Variants in EPC1 observed in about 807,000 individuals in gnomAD.
EPC1 encodes the protein enhancer of polycomb 1, also known as enhancer of polycomb homolog 1.
In EPC1, 12 loss-of-function variants were observed where a neutral mutation model predicts 98.4. The observed-to-expected ratio is 0.12, with a 90% confidence interval of 0.08 to 0.20. EPC1 has a LOEUF of 0.20. EPC1 is among the 10% of genes least tolerant of loss of function. The pLI is 1.00. For synonymous variants in EPC1, 357 were observed against 363.9 expected, an observed-to-expected ratio of 0.98 and a Z score of 0.21; for missense variants, 729 against 990.5, an observed-to-expected ratio of 0.74 and a Z score of 3.54.
chr10:32,284,649 T>C lies in EPC1; in HGVS notation c.1744+49A>G, dbSNP rs375844322. ...ACATAGTCGAACAAATGGGAAATGG[T>C]TGGACCTGACATTTCTATAGAAACG... On this transcript the variant is annotated intron_variant, in intron 10 of 13. Coordinates refer to ENST00000319778, the MANE Select transcript of EPC1 (RefSeq NM_001272004.3). The C allele has an allele frequency of 1.5e-5, 22 of 1,449,042 alleles. No individual in the cohort carries two copies. The African/African-American group carries it at 2.2e-4, about 15-fold the overall frequency. The allele number at this position is 1,449,042 out of a possible 1,614,324, so 89.8% of individuals were successfully genotyped here.
intron 10 of EPC1, among the ~76,000 whole-genome samples, chr10:32,280,082 A>G (rs929711523): frequency 2.6e-5 from 4 of 152,206 alleles, no homozygotes; most frequent in Non-Finnish European, 4.4e-5. Flanking sequence ...AGTGGGAAGG[A>G]AAGTAAAAAA....
At chr10:32,344,932 T>C (rs1160924810) in intron 1 of EPC1, among the ~76,000 whole-genome samples, 1 of 152,248 alleles carries the variant, frequency 6.6e-6, no homozygotes, top group Non-Finnish European at 1.5e-5. Flanking sequence ...GAAGCAAGAC[T>C]TAACTAAAGT....
intron 1 of EPC1, among the ~76,000 whole-genome samples, chr10:32,328,915 C>T (rs1299010691): frequency 6.6e-6 from 1 of 152,212 alleles, no homozygotes; most frequent in Non-Finnish European, 1.5e-5. Flanking sequence ...GAAACACATA[C>T]AGGTCTGATA....
intron 1 of EPC1, among the ~76,000 whole-genome samples, chr10:32,307,837 A>G: frequency 6.6e-6 from 1 of 152,212 alleles, no homozygotes; most frequent in Non-Finnish European, 1.5e-5. Flanking sequence ...ACTCAAGGAG[A>G]GAGTACGGAA....
intron 1 of EPC1, among the ~76,000 whole-genome samples, chr10:32,377,845 T>G (rs1027822386): frequency 6.6e-6 from 1 of 151,988 alleles, no homozygotes; most frequent in African/African-American, 2.4e-5. Context: ...AATTACAAAA[T>G]GTCTCCCAAA....
chr10:32,304,460 T>C (rs1592574303), intron 2 of EPC1, among the ~76,000 whole-genome samples: 1 of 152,214 alleles, frequency 6.6e-6, no homozygotes, highest in Non-Finnish European at 1.5e-5. Context: ...CTAATATCTA[T>C]CACACTTGTT....
chr10:32,288,465 T>C (rs1278916599), intron 6 of EPC1, among the ~76,000 whole-genome samples: 1 of 151,892 alleles, frequency 6.6e-6, no homozygotes, highest in Non-Finnish European at 1.5e-5. Context: ...CAAAGCCTTA[T>C]GCTATGCTTA....
Position 32,271,736 on chromosome 10 carries a change from C to T in EPC1, c.2187G>A (p.Gly729=), listed in dbSNP as rs779129479. The change falls in exon 13 of 14, where the codon GGG becomes GGA. Residue 729 remains glycine, a synonymous_variant. Coordinates refer to ENST00000319778, the MANE Select transcript of EPC1 (RefSeq NM_001272004.3). ...ANSATTQVLI[G]NNIRLTVPSS... Reference sequence around the variant, plus strand: ...AAGGTACAGTTAATCGAATGTTGTTCCCAATCAGAACCTGAGTTGTTGCAG... The same window carrying T: ...AAGGTACAGTTAATCGAATGTTGTTTCCAATCAGAACCTGAGTTGTTGCAG... The T allele has an allele frequency of 2.5e-6, 4 of 1,614,042 alleles. No individual in the cohort carries two copies. In the East Asian group the frequency reaches 8.9e-5, roughly 36 times the overall value.
chr10:32,378,481 A>G (rs1766798675), intron 1 of EPC1: 1 of 1,546,696 alleles, frequency 6.5e-7, no homozygotes, highest in Non-Finnish European at 8.7e-7. Flanking sequence ...GGTGAAAATT[A>G]CAAACTTACC....
chr10:32,292,410 GATT>G (rs1352109291), intron 5 of EPC1, 83 bp downstream of exon 5: 4 of 965,524 alleles, frequency 4.1e-6, no homozygotes, highest in African/African-American at 1.7e-5. Flanking sequence ...TCTGTAATTA[GATT>G]ATTGCATAGG....
At chr10:32,345,531 C>CAA in intron 1 of EPC1, 1 of 985,492 alleles carries the variant, frequency 1.0e-6, no homozygotes, top group Non-Finnish European at 1.2e-6. Context: ...CTTGAACTGT[C>CAA]AATACACTGC....
In EPC1 at chr10:32,305,775, G is replaced by C; in HGVS notation, c.310C>G (p.Gln104Glu). The C allele has an allele frequency of 3.1e-6, 5 of 1,595,832 alleles. No homozygotes were observed. Among genetic ancestry groups the C allele is most frequent in the Non-Finnish European group, 4.3e-6 (5 of 1,174,020 alleles). Residue 104 changes from glutamine to glutamate, a missense_variant, in exon 2 of 14, where the codon CAG becomes GAG. This residue lies in a region of EPC1 where 94 missense variants were observed against 125.1 expected (regional missense o/e 0.75). Transcript: ENST00000319778. ...FKMPKQLIHI[Q>E]PFSLDAEQPD... Reference sequence around the variant, plus strand: ...CATTAAGAGAATCATTACTTACGCTGTATGTGAATGAGCTGCTTTGGCATC... The same window carrying C: ...CATTAAGAGAATCATTACTTACGCTCTATGTGAATGAGCTGCTTTGGCATC...
Position 32,305,574 on chromosome 10 carries a change from T to C in EPC1, c.313+198A>G, listed in dbSNP as rs1422757342. Among the ~76,000 whole-genome samples, 3 of 151,996 alleles carry C rather than the reference T, an allele frequency of 2.0e-5. No individual in the cohort carries two copies. The East Asian group carries it at 5.8e-4, about 29-fold the overall frequency. ...GTATGCTGGAATGAAACAAAAAATG[T>C]AGAATAATAAATGCTATCTTTTCTT... On this transcript the variant is annotated intron_variant, in intron 2 of 13. Transcript: ENST00000319778.
intron 13 of EPC1, among the ~76,000 whole-genome samples, chr10:32,271,302 A>T (rs1388281222): frequency 6.6e-6 from 1 of 152,196 alleles, no homozygotes; most frequent in African/African-American, 2.4e-5. Flanking sequence ...AACTATTGTT[A>T]TAGTAAGAAA....
At chr10:32,306,816 C>T (rs1835898424) in intron 1 of EPC1, among the ~76,000 whole-genome samples, 1 of 151,766 alleles carries the variant, frequency 6.6e-6, no homozygotes, top group South Asian at 2.1e-4. Context: ...CTCATCCAGG[C>T]CTATCAACAC....
intron 1 of EPC1, among the ~76,000 whole-genome samples, chr10:32,334,953 A>G (rs1837865857): frequency 6.6e-6 from 1 of 152,202 alleles, no homozygotes; most frequent in Non-Finnish European, 1.5e-5. Context: ...CAACCCTTAA[A>G]GGTCCATTTT....
At chr10:32,281,842 G>C (rs1315953068) in intron 10 of EPC1, 1 of 152,018 alleles carries the variant, frequency 6.6e-6, no homozygotes, top group East Asian at 1.9e-4. Flanking sequence ...GCTAATTTTT[G>C]TATTTTTTAG....
rs9665729 is a variant in EPC1 at position 32,371,212 on chromosome 10, T to C, written c.3+7279A>G. On this transcript the variant is annotated intron_variant, in intron 1 of 13. Transcript: ENST00000375110. ...AAATGGTCCTCTTCATTCTTTGGCA[T>C]GTTGCAGTGTTTTTCAACTGGGGAT... is the stretch of plus-strand genomic sequence containing the variant. Among the ~76,000 whole-genome samples, 330 of 152,326 alleles carry C rather than the reference T, an allele frequency of 2.2e-3. 1 individual carries two copies. Among genetic ancestry groups the C allele is most frequent in the African/African-American group, 7.7e-3 (319 of 41,578 alleles).
intron 2 of EPC1, among the ~76,000 whole-genome samples, chr10:32,297,838 C>T (rs1296242590): frequency 6.6e-6 from 1 of 152,072 alleles, no homozygotes; most frequent in Non-Finnish European, 1.5e-5. Context: ...CGCTCTGTCG[C>T]CCAGGCTGGA....
Sources: allele counts gnomAD v4.1 joint callset (sites outside exome capture counted in the v4.1 genomes callset), GRCh38; gene constraint gnomAD v4.1.1; regional missense constraint gnomAD v4.1.1; transcripts MANE v1.5; gene names NCBI Gene and HGNC (gene_info 2026-07-23, HGNC 2026-07-21).